PCDHA1: variants seen among roughly 807,000 people sequenced by gnomAD.
The protein encoded by PCDHA1 is protocadherin alpha 1.
Under a neutral mutation model 61.3 loss-of-function variants are expected in PCDHA1, and 42 were observed. That is an observed-to-expected ratio of 0.69 (90% CI 0.54 to 0.89). The LOEUF is 0.89. PCDHA1 is among the 40% of genes least tolerant of loss of function. The pLI is 0.00. For synonymous variants in PCDHA1, 610 were observed against 553.8 expected (o/e 1.10, Z -1.43); for missense variants, 1,256 against 1,235.3 (o/e 1.02, Z -0.25).
intron 1 of PCDHA1, chr5:140,870,093 A>G (rs1554163808): frequency 6.8e-6 from 11 of 1,613,930 alleles, no homozygotes; most frequent in Non-Finnish European, 9.3e-6. Context: ...CCCCAATGGC[A>G]GGTCACTGTA....
chr5:140,876,195 G>T lies in PCDHA1; in HGVS notation c.2394+87511G>T, dbSNP rs1554168359. On this transcript the variant is annotated intron_variant, in intron 1 of 3. Transcript: ENST00000504120. The stretch of plus-strand genomic sequence containing the variant: ...TGGATGTGAATGACAATGGTCCGGC[G>T]TTTGATAAGCCCAGCTATAAAGTAG... 4 of 1,613,946 alleles carry T rather than the reference G, an allele frequency of 2.5e-6. No homozygotes were observed. In the South Asian group the frequency reaches 4.4e-5, roughly 18 times the overall value.
chr5:140,788,631 A>G lies in PCDHA1; in HGVS notation c.2341A>G (p.Asn781Asp), dbSNP rs370211278. 1.9e-6 allele frequency: 3 copies of G among 1,608,596 alleles called. No individual in the cohort carries two copies. The highest frequency in any genetic ancestry group is 2.7e-5 in the African/African-American group (2 of 74,784). ...AFSPGLSPSLNTSERNEQPEA... is the reference protein window; with the variant it reads ...AFSPGLSPSLDTSERNEQPEA... Reference sequence around the variant, plus strand: ...CAGCCCAGGCCTATCTCCAAGTCTTAACACGTCAGAAAGAAATGAACAACC... The same window carrying G: ...CAGCCCAGGCCTATCTCCAAGTCTTGACACGTCAGAAAGAAATGAACAACC... The change falls in exon 1 of 4, where the codon AAC becomes GAC. Residue 781 changes from asparagine (N) to aspartate (D), a missense_variant. Physicochemically the swap from Asn to Asp is conservative, Grantham distance 23 (BLOSUM62 1). Transcript: ENST00000504120.
intron 3 of PCDHA1, among the ~76,000 whole-genome samples, chr5:140,990,571 G>A (rs996259729): frequency 6.6e-6 from 1 of 152,102 alleles, no homozygotes; most frequent in Non-Finnish European, 1.5e-5. Flanking sequence ...ACACCTGTTC[G>A]ATCTCTTTTC....
At chr5:140,861,303 GA>G in intron 1 of PCDHA1, 1 of 189,594 alleles carries the variant, frequency 5.3e-6, no homozygotes. Context: ...TGTGAAGCGG[GA>G]AAGGACCAGT....
intron 1 of PCDHA1, among the ~76,000 whole-genome samples, chr5:140,922,582 G>A (rs548638056): frequency 2.6e-5 from 4 of 152,276 alleles, no homozygotes; most frequent in Non-Finnish European, 4.4e-5. Context: ...CCCTGTAGCC[G>A]CCAGTTCTCA....
Position 140,858,059 on chromosome 5 carries a change from G to C in PCDHA1, c.2394+69375G>C, listed in dbSNP as rs200045353. 1,846 of 1,597,616 alleles carry C rather than the reference G, an allele frequency of 1.2e-3. 155 individuals carry two copies. The highest frequency in any genetic ancestry group is 1.5e-3 in the Middle Eastern group (9 of 5,984). On this transcript the variant is annotated intron_variant, in intron 1 of 3. Coordinates refer to ENST00000504120, the MANE Select transcript of PCDHA1 (RefSeq NM_018900.4). ...CACTGTGCTTGTGTCGCTTGTGGAG[G>C]GCAGCCAGGCACCCAAGGCCTCGTC...
At chr5:140,809,809 T>G (rs1346866835) in intron 1 of PCDHA1, 5 of 428,380 alleles carry the variant, frequency 1.2e-5, no homozygotes, top group Non-Finnish European at 2.0e-5. Flanking sequence ...CTAGTAAATT[T>G]TCACTATATT....
At chr5:140,994,704 CA>C (rs1294993555) in intron 3 of PCDHA1, among the ~76,000 whole-genome samples, 1 of 150,730 alleles carries the variant, frequency 6.6e-6, no homozygotes, top group Non-Finnish European at 1.5e-5. Flanking sequence ...GACCCTGTCT[CA>C]AAAAAAAATT....
intron 3 of PCDHA1, among the ~76,000 whole-genome samples, chr5:140,993,754 A>T (rs1253767297): frequency 6.6e-6 from 1 of 152,170 alleles, no homozygotes; most frequent in African/African-American, 2.4e-5. Context: ...ACTTGCCATT[A>T]TATTACAATT....
rs868946985 is a variant in PCDHA1, at chr5:140,985,825, T to C, written c.2542+3262T>C. ...CACGATCTCAGCTCACAACAAGCTC[T>C]GCCTCCCGGGTTCATGCCACTCTCC... On this transcript the variant is annotated intron_variant, in intron 3 of 3. Transcript: ENST00000504120. 4.1e-4 allele frequency among the ~76,000 whole-genome samples: 61 copies of C among 148,858 alleles called. 1 individual carries two copies. The highest frequency in any genetic ancestry group is 2.7e-4 in the Admixed American group (4 of 14,688).
intron 1 of PCDHA1, among the ~76,000 whole-genome samples, chr5:140,827,697 A>C (rs1406690730): frequency 6.6e-6 from 1 of 152,212 alleles, no homozygotes; most frequent in Non-Finnish European, 1.5e-5. Context: ...GGTTGATATT[A>C]ATGTTGCAAA....
intron 3 of PCDHA1, among the ~76,000 whole-genome samples, chr5:140,993,365 A>G (rs1207264244): frequency 1.3e-5 from 2 of 151,422 alleles, no homozygotes; most frequent in Admixed American, 6.6e-5. Flanking sequence ...CACAAAAACT[A>G]CCTCCCAGCC....
In PCDHA1 at chr5:140,869,658, T is replaced by C. The variant is rs370211026; in HGVS notation, c.2394+80974T>C. 1.2e-5 allele frequency: 19 copies of C among 1,613,432 alleles called. No homozygotes were observed. The African/African-American group carries it at 2.1e-4, about 18-fold the overall frequency. ...ATTTTTCTTTAGATTCACCAACAAATGGTAAGCAGATTAAAAGACTGTCAC... is the reference window on the plus strand; with the variant it reads ...ATTTTTCTTTAGATTCACCAACAAACGGTAAGCAGATTAAAAGACTGTCAC... On this transcript the variant is annotated intron_variant, in intron 1 of 3. Coordinates refer to ENST00000504120, the MANE Select transcript of PCDHA1 (RefSeq NM_018900.4).
chr5:141,001,694 C>A (rs2098032582), intron 3 of PCDHA1, among the ~76,000 whole-genome samples: 1 of 151,662 alleles, frequency 6.6e-6, no homozygotes, highest in African/African-American at 2.4e-5. Flanking sequence ...CCACAGATGG[C>A]GAAATAGGGG....
chr5:140,927,970 G>A (rs1554205315), intron 1 of PCDHA1: 1 of 1,614,216 alleles, frequency 6.2e-7, no homozygotes, highest in East Asian at 2.2e-5. Context: ...CACAGTGATT[G>A]CTCTCTTTAG....
rs781975666 is a variant in PCDHA1, at chr5:140,856,109, G to A, written c.2394+67425G>A. 6.9e-6 allele frequency: 11 copies of A among 1,597,740 alleles called. 1 individual carries two copies. The highest frequency in any genetic ancestry group is 4.0e-5 in the African/African-American group (3 of 74,230). On this transcript the variant is annotated intron_variant, in intron 1 of 3. Transcript: ENST00000504120. The stretch of plus-strand genomic sequence containing the variant: ...TCTGCTGCTCTCGCTTCTTCTCCTC[G>A]CAGCCTGGGAGGTGGGGAGCGGCCA...
intron 1 of PCDHA1, among the ~76,000 whole-genome samples, chr5:140,915,667 G>A (rs2077246554): frequency 1.3e-5 from 2 of 149,888 alleles, no homozygotes; most frequent in Admixed American, 1.3e-4. Flanking sequence ...AAGGTGCTGG[G>A]CCATCTTGAA....
At chr5:141,002,583 C>T (rs781898349) in intron 3 of PCDHA1, among the ~76,000 whole-genome samples, 6 of 152,176 alleles carry the variant, frequency 3.9e-5, no homozygotes, top group Non-Finnish European at 7.3e-5. Context: ...GACCATTAGT[C>T]CTTAGTCCCC....
chr5:140,883,090 T>A (rs550322124), intron 1 of PCDHA1: 1 of 1,614,020 alleles, frequency 6.2e-7, no homozygotes, highest in East Asian at 2.2e-5. Flanking sequence ...ATGGTACAAA[T>A]GGAGATATAG....
Sources: gnomAD v4.1 joint callset for allele counts (sites outside exome capture counted in the v4.1 genomes callset) on GRCh38, gnomAD v4.1.1 for gene constraint, MANE v1.5 for transcripts, NCBI Gene and HGNC (gene_info 2026-07-23, HGNC 2026-07-21) for gene names.